ARL9: variants seen among roughly 807,000 people sequenced by gnomAD.
The protein encoded by ARL9 is ADP-ribosylation factor-like protein 9.
Under a neutral mutation model 27.0 loss-of-function variants are expected in ARL9, and 14 were observed. The ratio of observed to expected loss-of-function variants is 0.52; its 90% CI spans 0.34 to 0.81. The LOEUF is 0.81. ARL9 is among the 30% of genes least tolerant of loss of function. The pLI, the probability that ARL9 is intolerant of heterozygous loss-of-function variation, is 0.01. For missense variants in ARL9, 294 were observed against 290.0 expected (o/e 1.01, Z -0.10); for synonymous variants, 106 against 108.7 (o/e 0.98, Z 0.15).
rs984663725 is a variant in ARL9, at chr4:56,505,855, C to T, written c.-8C>T. ...GCGGCGGGAGGGAAGGAAACCGCGG[C>T]GCTGGGGATGGAGAGGGGGAAAGTG... On this transcript the variant is annotated 5_prime_UTR_variant, in exon 1 of 4. Coordinates refer to ENST00000640821, the MANE Select transcript of ARL9 (RefSeq NM_001363794.2). The T allele has an allele frequency of 3.2e-6, 4 of 1,263,626 alleles. No homozygotes were observed. The highest frequency in any genetic ancestry group is 4.0e-6 in the Non-Finnish European group (4 of 1,006,406). The allele number at this position is 1,263,626 out of a possible 1,614,324, so 78.3% of individuals were successfully genotyped here.
chr4:56,516,135 A>G (rs1721759963), intron 2 of ARL9, among the ~76,000 whole-genome samples: 2 of 152,194 alleles, frequency 1.3e-5, no homozygotes, highest in South Asian at 4.1e-4. Flanking sequence ...TCCACTGGGG[A>G]AACTATTCAA....
rs151023416 is a variant in ARL9, at chr4:56,506,029, AGAG to A, written c.170_172del (p.Arg57del). On this transcript the variant is annotated inframe_deletion, in exon 1 of 4. Transcript: ENST00000640821. ...AGAAAGGGAAAAGAGAAAGAGGAAA[AGAG>A]GACAAAGCAAGGGAAGGAGACAAAC... The A allele has an allele frequency of 6.8e-3, 8,306 of 1,227,022 alleles. 434 individuals are homozygous for A. In the African/African-American group the frequency reaches 0.11, roughly 17 times the overall value. 76.0% of individuals were successfully genotyped at this position (1,227,022 alleles called of 1,614,324 possible).
upstream of ARL9, chr4:56,505,619 A>G (rs1241825912): frequency 1.6e-6 from 1 of 625,770 alleles, no homozygotes; most frequent in African/African-American, 1.8e-5. Context: ...ATCCATCCGT[A>G]CGCCTCCGCC....
At chr4:56,508,619 C>G (rs373969682) in intron 1 of ARL9, among the ~76,000 whole-genome samples, 3 of 152,320 alleles carry the variant, frequency 2.0e-5, no homozygotes, top group South Asian at 4.1e-4. Context: ...CTCCTGACCT[C>G]AGGTGATCCG....
In ARL9 at chr4:56,506,057, CAAAG is replaced by C. The variant is rs1053813904; in HGVS notation, c.197_200del (p.Lys66ArgfsTer19). 242 of 1,233,316 alleles carry C rather than the reference CAAAG, an allele frequency of 2.0e-4. No homozygotes were observed. Among genetic ancestry groups the C allele is most frequent in the Non-Finnish European group, 2.3e-4 (231 of 988,604 alleles). 76.4% of individuals were successfully genotyped at this position (1,233,316 alleles called of 1,614,324 possible). ...GGACAAAGCAAGGGAAGGAGACAAA[CAAAG>C]AGAAGGAACAATTTAAGGGACAAGA... is the stretch of plus-strand genomic sequence containing the variant. On this transcript the variant is annotated frameshift_variant, in exon 1 of 4. Transcript: ENST00000640821. LOFTEE classifies it high-confidence loss of function.
At chr4:56,520,798 T>C (rs1022070908) in intron 3 of ARL9, among the ~76,000 whole-genome samples, 1 of 152,218 alleles carries the variant, frequency 6.6e-6, no homozygotes, top group Non-Finnish European at 1.5e-5. Flanking sequence ...ACCACTTCTA[T>C]GGGTGAACGT....
chr4:56,508,497 C>G (rs146524278), intron 1 of ARL9, among the ~76,000 whole-genome samples: 175 of 152,250 alleles, frequency 1.1e-3, no homozygotes, highest in African/African-American at 4.1e-3. Flanking sequence ...ATTGTCCTGC[C>G]TTACTTAGCC....
At chr4:56,510,904 T>C (rs1166136434) in intron 1 of ARL9, among the ~76,000 whole-genome samples, 1 of 151,956 alleles carries the variant, frequency 6.6e-6, no homozygotes, top group Admixed American at 6.6e-5. Flanking sequence ...CCCAAGTAGC[T>C]GGACTTACAG....
intron 1 of ARL9, among the ~76,000 whole-genome samples, chr4:56,508,070 T>C (rs78828184): frequency 6.9e-4 from 105 of 152,138 alleles, no homozygotes; most frequent in African/African-American, 2.5e-3. Context: ...GGGGGGAATA[T>C]GTATCTTAGA....
At chr4:56,512,450 A>G (rs1238444192) in intron 2 of ARL9, among the ~76,000 whole-genome samples, 1 of 151,992 alleles carries the variant, frequency 6.6e-6, no homozygotes, top group Non-Finnish European at 1.5e-5. Context: ...GCCTTCTGTC[A>G]GAAATACTAC....
At chr4:56,520,260 C>T (rs927199452) in intron 3 of ARL9, among the ~76,000 whole-genome samples, 2 of 152,146 alleles carry the variant, frequency 1.3e-5, no homozygotes, top group African/African-American at 4.8e-5. Flanking sequence ...ACCTGGGCCT[C>T]CCAAAGTTCT....
At chr4:56,516,254 T>G (rs554516341) in intron 2 of ARL9, among the ~76,000 whole-genome samples, 1 of 152,294 alleles carries the variant, frequency 6.6e-6, no homozygotes, top group South Asian at 2.1e-4. Context: ...TGTAAAAAGC[T>G]TTGTGGAGAA....
chr4:56,505,729 G>A, upstream of ARL9: 1 of 1,381,032 alleles, frequency 7.2e-7, no homozygotes, highest in Non-Finnish European at 9.4e-7. Context: ...GGGGTTGGCA[G>A]CGCCCGCGGG....
intron 2 of ARL9, among the ~76,000 whole-genome samples, chr4:56,513,061 C>T (rs1721681125): frequency 6.6e-6 from 1 of 152,230 alleles, no homozygotes; most frequent in South Asian, 2.1e-4. Context: ...CGATTTTTAT[C>T]ATGATCATCA....
chr4:56,505,850 C>G lies in ARL9; in HGVS notation c.-13C>G, dbSNP rs1414452388. On this transcript the variant is annotated 5_prime_UTR_variant, in exon 1 of 4. Coordinates refer to ENST00000640821, the MANE Select transcript of ARL9 (RefSeq NM_001363794.2). Reference sequence around the variant, plus strand: ...GGCACGCGGCGGGAGGGAAGGAAACCGCGGCGCTGGGGATGGAGAGGGGGA... The same window carrying G: ...GGCACGCGGCGGGAGGGAAGGAAACGGCGGCGCTGGGGATGGAGAGGGGGA... The G allele has an allele frequency of 1.5e-5, 19 of 1,267,840 alleles. No homozygotes were observed. Among genetic ancestry groups the G allele is most frequent in the Non-Finnish European group, 1.9e-5 (19 of 1,008,764 alleles). 78.5% of individuals were successfully genotyped at this position (1,267,840 alleles called of 1,614,324 possible).
chr4:56,521,622 C>A lies in ARL9; in HGVS notation c.619-2075C>A, dbSNP rs75275853. Among the ~76,000 whole-genome samples, 110 of 152,316 alleles carry A rather than the reference C, an allele frequency of 7.2e-4. 1 individual carries two copies. The East Asian group carries it at 0.017, about 23-fold the overall frequency. On this transcript the variant is annotated intron_variant, in intron 3 of 3. Coordinates refer to ENST00000640821, the MANE Select transcript of ARL9 (RefSeq NM_001363794.2). Reference sequence around the variant, plus strand: ...TATGACAGTTTTTGCAGCTCTACATCCTTGTCAATACTTGGTATTATCAGA... The same window carrying A: ...TATGACAGTTTTTGCAGCTCTACATACTTGTCAATACTTGGTATTATCAGA...
upstream of ARL9, chr4:56,505,642 C>G (rs1578204747): frequency 6.9e-6 from 5 of 719,724 alleles, no homozygotes; most frequent in East Asian, 1.5e-4. Flanking sequence ...TCCCTCTTTG[C>G]GAACCCCTGC....
intron 2 of ARL9, among the ~76,000 whole-genome samples, chr4:56,512,461 T>G (rs1721663990): frequency 6.6e-6 from 1 of 151,996 alleles, no homozygotes; most frequent in Non-Finnish European, 1.5e-5. Flanking sequence ...GAAATACTAC[T>G]ACCCCTGCTC....
upstream of ARL9, chr4:56,505,498 G>C (rs889777193): frequency 6.3e-6 from 3 of 478,730 alleles, no homozygotes; most frequent in African/African-American, 2.0e-5. Flanking sequence ...TAGCCACCCT[G>C]CCTGGCCCGA....
Sources: gnomAD v4.1 joint callset for allele counts (sites outside exome capture counted in the v4.1 genomes callset) on GRCh38, gnomAD v4.1.1 for gene constraint, MANE v1.5 for transcripts, NCBI Gene and HGNC (gene_info 2026-07-23, HGNC 2026-07-21) for gene names.